AKAP10: variants seen among roughly 807,000 people sequenced by gnomAD.
AKAP10 encodes the protein A-kinase anchor protein 10, mitochondrial.
A neutral mutation model predicts 80.8 loss-of-function variants in AKAP10; 24 were observed. The ratio of observed to expected loss-of-function variants is 0.30; its 90% CI spans 0.22 to 0.42. The LOEUF (loss-of-function observed/expected upper bound fraction) is 0.42, where lower values mean the gene tolerates loss of function less well. Among genes scored for constraint, AKAP10 ranks in the 10% least tolerant of loss-of-function variants. The pLI is 1.00. For synonymous variants in AKAP10, 291 were observed against 277.7 expected (o/e 1.05, Z -0.48); for missense variants, 661 against 794.9 (o/e 0.83, Z 2.03).
At position 19,909,937 on chromosome 17, in the gene AKAP10, T is replaced by C. The variant is rs1597486275; in HGVS notation, c.1876A>G (p.Asn626Asp). ...AAGGTAGGATTTACCTCATCAGTAT[T>C]TCCTTGCACCCATTTCTTCATAGCT... Reference protein sequence around the residue: ...SQAMKKWVQGNTDEAQEELAW... With the variant: ...SQAMKKWVQGDTDEAQEELAW... Residue 626 changes from asparagine (N) to aspartate (D), a missense_variant, in exon 13 of 15, where the codon AAT becomes GAT. By Grantham distance (23) the Asn-to-Asp change is conservative. Transcript: ENST00000225737. 1 of 1,613,718 alleles carries C rather than the reference T, an allele frequency of 6.2e-7. No individual in the cohort carries two copies. The highest frequency in any genetic ancestry group is 1.3e-5 in the African/African-American group (1 of 74,900).
At chr17:19,935,329 G>T (rs1045364435) in intron 9 of AKAP10, among the ~76,000 whole-genome samples, 1 of 152,178 alleles carries the variant, frequency 6.6e-6, no homozygotes, top group Non-Finnish European at 1.5e-5. Context: ...GAGCTTGCAA[G>T]ACTGGAAGTT....
Position 19,912,268 on chromosome 17 carries a change from G to A in AKAP10, c.1835-2290C>T, listed in dbSNP as rs148561097. ...CGTCTCTACTAAAAATACAAAAATA[G>A]GCGTGTGCCAATAATCCCAGCACTT... is the stretch of plus-strand genomic sequence containing the variant. On this transcript the variant is annotated intron_variant, in intron 12 of 14. Coordinates refer to ENST00000225737, the MANE Select transcript of AKAP10 (RefSeq NM_007202.4). 7.0e-3 allele frequency among the ~76,000 whole-genome samples: 1,064 copies of A among 152,214 alleles called. 8 individuals are homozygous for A. Among genetic ancestry groups the A allele is most frequent in the African/African-American group, 0.024 (1,005 of 41,524 alleles).
chr17:19,957,660 T>A (rs1363404602), intron 4 of AKAP10, among the ~76,000 whole-genome samples: 2 of 152,350 alleles, frequency 1.3e-5, no homozygotes, highest in South Asian at 2.1e-4. Flanking sequence ...AAAAATTTTT[T>A]AAAAATTTTA....
chr17:19,939,916 A>T (rs2043034866), intron 7 of AKAP10, 67 bp from the exon 8 acceptor site: 2 of 1,500,698 alleles, frequency 1.3e-6, no homozygotes, highest in African/African-American at 2.8e-5. Context: ...TCTCTAATCT[A>T]TAAGCTCAAA....
intron 5 of AKAP10, among the ~76,000 whole-genome samples, chr17:19,943,179 GC>G (rs1391480288): frequency 2.0e-5 from 3 of 152,262 alleles, no homozygotes; most frequent in Admixed American, 1.3e-4. Context: ...CTGAGACATT[GC>G]AACTGGCCTT....
intron 9 of AKAP10, among the ~76,000 whole-genome samples, chr17:19,933,383 T>G (rs76860197): frequency 0.11 from 16,079 of 152,234 alleles, 884 homozygotes; most frequent in Admixed American, 0.13. Context: ...TGTTTACCAC[T>G]GTAACACTAC....
At chr17:19,920,357 A>T (rs1387142269) in intron 11 of AKAP10, among the ~76,000 whole-genome samples, 1 of 152,228 alleles carries the variant, frequency 6.6e-6, no homozygotes, top group Non-Finnish European at 1.5e-5. Context: ...ATGGTGAGTC[A>T]ACAGGTAATT....
intron 14 of AKAP10, among the ~76,000 whole-genome samples, chr17:19,907,814 G>A (rs1025364412): frequency 6.6e-6 from 1 of 151,446 alleles, no homozygotes; most frequent in African/African-American, 2.4e-5. Flanking sequence ...TTTTCTCCTG[G>A]TTATAGGTCA....
chr17:19,918,861 A>C (rs2042779005), intron 12 of AKAP10, among the ~76,000 whole-genome samples: 2 of 152,162 alleles, frequency 1.3e-5, no homozygotes, highest in Admixed American at 6.6e-5. Context: ...GATTTGACTA[A>C]ACTACTCTTC....
intron 3 of AKAP10, among the ~76,000 whole-genome samples, chr17:19,961,433 T>A (rs1462316429): frequency 2.0e-5 from 3 of 152,220 alleles, no homozygotes; most frequent in Non-Finnish European, 4.4e-5. Context: ...CAGCAATTTA[T>A]GAGTGATCTA....
chr17:19,912,432 G>A (rs759627022), intron 12 of AKAP10, among the ~76,000 whole-genome samples: 1 of 152,178 alleles, frequency 6.6e-6, no homozygotes, highest in Non-Finnish European at 1.5e-5. Context: ...AGCTACTGGG[G>A]AGGCTGAGGC....
Position 19,962,281 on chromosome 17 carries a change from TAC to T in AKAP10, c.319+557_319+558del, listed in dbSNP as rs1434269621. ...CCTTCAACATACATACATACATACA[TAC>T]ATACATACATATACACACACACACA... is the stretch of plus-strand genomic sequence containing the variant. On this transcript the variant is annotated intron_variant, in intron 3 of 14. Transcript: ENST00000225737. Among the ~76,000 whole-genome samples the T allele has an allele frequency of 2.6e-3, 368 of 139,178 alleles. 1 individual carries two copies. The highest frequency in any genetic ancestry group is 9.3e-3 in the African/African-American group (346 of 37,074). The allele number at this position is 139,178 out of a possible 152,430, so 91.3% of individuals were successfully genotyped here.
chr17:19,950,642 G>C lies in AKAP10; in HGVS notation c.878-3137C>G, dbSNP rs528179285. ...GTTGCCCAGGCTGGAGTGCAGTGGC[G>C]TGATCTCAGCTCCCTACAACCTCCA... On this transcript the variant is annotated intron_variant, in intron 4 of 14. Transcript: ENST00000225737. 1.2e-3 allele frequency among the ~76,000 whole-genome samples: 190 copies of C among 152,346 alleles called. 1 individual carries two copies. The highest frequency in any genetic ancestry group is 2.3e-3 in the Non-Finnish European group (156 of 68,040).
At chr17:19,974,321 T>C (rs17605101) in intron 1 of AKAP10, among the ~76,000 whole-genome samples, 30,570 of 152,190 alleles carry the variant, frequency 0.2, 3,895 homozygotes, top group Middle Eastern at 0.33. Flanking sequence ...ATTAAGCTTG[T>C]CCATCCCGCG....
Position 19,977,651 on chromosome 17 carries a change from T to C in AKAP10, c.29A>G (p.Gln10Arg). The C allele has an allele frequency of 8.1e-7, 1 of 1,235,300 alleles. No individual in the cohort carries two copies. Among genetic ancestry groups the C allele is most frequent in the Non-Finnish European group, 1.0e-6 (1 of 987,858 alleles). The allele number at this position is 1,235,300 out of a possible 1,614,324, so 76.5% of individuals were successfully genotyped here. The change falls in exon 1 of 15, where the codon CAG becomes CGG. Residue 10 changes from glutamine (Q) to arginine (R), a missense_variant. Transcript: ENST00000225737. MRGAGPSPR[Q>R]SPRTLRPDPG... ...GTCGGGACGGAGGGTGCGGGGGGAC[T>C]GGCGCGGGGAGGGCCCGGCTCCCCT...
At chr17:19,917,366 A>C (rs1406175799) in intron 12 of AKAP10, among the ~76,000 whole-genome samples, 1 of 152,166 alleles carries the variant, frequency 6.6e-6, no homozygotes, top group Non-Finnish European at 1.5e-5. Flanking sequence ...GAAGCTACCT[A>C]AAGACACTGT....
At chr17:19,934,201 G>A (rs1018976412) in intron 9 of AKAP10, among the ~76,000 whole-genome samples, 3 of 152,160 alleles carry the variant, frequency 2.0e-5, no homozygotes, top group South Asian at 2.1e-4. Flanking sequence ...GATTACAGAT[G>A]TGAGTCGCCG....
At chr17:19,911,509 T>C (rs974549997) in intron 12 of AKAP10, among the ~76,000 whole-genome samples, 4 of 152,134 alleles carry the variant, frequency 2.6e-5, no homozygotes, top group Non-Finnish European at 4.4e-5. Context: ...ATTCTCATTC[T>C]ACTGACAGGG....
At chr17:19,947,768 G>C (rs1377217874) in intron 4 of AKAP10, among the ~76,000 whole-genome samples, 2 of 152,128 alleles carry the variant, frequency 1.3e-5, no homozygotes, top group African/African-American at 4.8e-5. Context: ...ATATTAACCT[G>C]TTATAACGTA....
Sources: allele counts gnomAD v4.1 joint callset (sites outside exome capture counted in the v4.1 genomes callset), GRCh38; gene constraint gnomAD v4.1.1; transcripts MANE v1.5; gene names NCBI Gene and HGNC (gene_info 2026-07-23, HGNC 2026-07-21).